The following WWOX variants were observed in gnomAD, a reference collection of about 807,000 sequenced individuals.
WWOX encodes the protein WW domain-containing oxidoreductase.
In WWOX, 69 loss-of-function variants were observed where a neutral mutation model predicts 46.2. That is an observed-to-expected ratio of 1.49 (90% CI 1.23 to 1.82). The LOEUF (loss-of-function observed/expected upper bound fraction) is 1.82. Among genes scored for constraint, WWOX ranks in the 40% most tolerant of loss-of-function variants. The pLI is 0.00. For synonymous variants in WWOX, 359 were observed against 202.6 expected, an observed-to-expected ratio of 1.77 and a Z score of -6.56; for missense variants, 919 against 542.6, an observed-to-expected ratio of 1.69 and a Z score of -6.89.
At chr16:78,715,463 AC>A (rs2142335984) in intron 8 of WWOX, among the ~76,000 whole-genome samples, 2 of 103,750 alleles carry the variant, frequency 1.9e-5, no homozygotes, top group South Asian at 6.8e-4. Flanking sequence ...ACTCCACCCC[AC>A]CCCCACCCCT....
intron 6 of WWOX, among the ~76,000 whole-genome samples, chr16:78,408,937 T>G (rs760055577): frequency 6.6e-6 from 1 of 152,120 alleles, no homozygotes; most frequent in Non-Finnish European, 1.5e-5. Flanking sequence ...TGATTTAAAA[T>G]ATGTTAATTT....
chr16:78,652,936 T>C (rs529072679), intron 8 of WWOX, among the ~76,000 whole-genome samples: 74 of 152,310 alleles, frequency 4.9e-4, no homozygotes, highest in Admixed American at 8.5e-4. Context: ...AAATGAACTT[T>C]TGTTATTTGA....
intron 5 of WWOX, among the ~76,000 whole-genome samples, chr16:78,176,971 A>G (rs1353527564): frequency 1.2e-4 from 19 of 152,210 alleles, no homozygotes; most frequent in Admixed American, 1.2e-3. Flanking sequence ...GACCTGCAGC[A>G]TCAGTGTCAC....
intron 8 of WWOX, among the ~76,000 whole-genome samples, chr16:78,782,862 A>G (rs960504003): frequency 6.6e-6 from 1 of 152,180 alleles, no homozygotes; most frequent in South Asian, 2.1e-4. Context: ...TGTTAATTAT[A>G]CAATGATCCA....
At chr16:78,748,740 C>T (rs1389417514) in intron 8 of WWOX, among the ~76,000 whole-genome samples, 1 of 152,226 alleles carries the variant, frequency 6.6e-6, no homozygotes, top group African/African-American at 2.4e-5. Context: ...AGTTATTTTT[C>T]ATGCACACTC....
intron 8 of WWOX, among the ~76,000 whole-genome samples, chr16:78,909,512 C>G (rs1026218253): frequency 5.3e-5 from 8 of 152,192 alleles, no homozygotes; most frequent in Middle Eastern, 3.2e-3. Context: ...TTGGCCTCCT[C>G]TAGGTCCCAC....
intron 8 of WWOX, among the ~76,000 whole-genome samples, chr16:78,502,420 A>G (rs1318756778): frequency 1.3e-5 from 2 of 152,172 alleles, no homozygotes; most frequent in Admixed American, 1.3e-4. Context: ...CGTACCTCAT[A>G]TAAATAGAGT....
Position 78,769,573 on chromosome 16 carries a change from ATTTATTTATTTT to A in WWOX, c.1056+336823_1056+336834del, listed in dbSNP as rs1220050235. ...TATTTATTTATTTATTTATTTATTT[ATTTATTTATTTT>A]TACCATGTCTGTTACTCCATCAGTC... On this transcript the variant is annotated intron_variant, in intron 8 of 8. Coordinates refer to ENST00000566780, the MANE Select transcript of WWOX (RefSeq NM_016373.4). Among the ~76,000 whole-genome samples the A allele has an allele frequency of 1.9e-4, 4 of 20,680 alleles. No individual in the cohort carries two copies. The Admixed American group carries it at 2.0e-3, about 10-fold the overall frequency. 13.6% of individuals were successfully genotyped at this position (20,680 alleles called of 152,430 possible).
intron 1 of WWOX, 54 bp downstream of exon 1, chr16:78,099,939 G>A: frequency 2.0e-6 from 3 of 1,537,408 alleles, no homozygotes; most frequent in South Asian, 1.2e-5. Flanking sequence ...CACAGCCCAC[G>A]GACGCCACCT....
At chr16:78,490,827 A>C (rs969482738) in intron 8 of WWOX, among the ~76,000 whole-genome samples, 12 of 152,274 alleles carry the variant, frequency 7.9e-5, no homozygotes, top group African/African-American at 2.9e-4. Context: ...TACTTAGACT[A>C]GGAAATGGCT....
At chr16:78,960,715 T>C (rs34187758) in intron 8 of WWOX, among the ~76,000 whole-genome samples, 10,598 of 152,242 alleles carry the variant, frequency 0.07, 458 homozygotes, top group Middle Eastern at 0.11. Flanking sequence ...TGTATGACTT[T>C]CCAGTAGAGG....
intron 8 of WWOX, among the ~76,000 whole-genome samples, chr16:78,893,560 C>A (rs904583443): frequency 1.3e-5 from 2 of 152,184 alleles, no homozygotes; most frequent in Non-Finnish European, 2.9e-5. Flanking sequence ...AGACTCAGCT[C>A]CTTCCACTTC....
chr16:78,785,698 G>C (rs2050438639), intron 8 of WWOX, among the ~76,000 whole-genome samples: 1 of 152,160 alleles, frequency 6.6e-6, no homozygotes. Flanking sequence ...ATGTAGCTGT[G>C]ACATGAATAT....
At chr16:78,742,291 C>T (rs138488116) in intron 8 of WWOX, among the ~76,000 whole-genome samples, 173 of 152,274 alleles carry the variant, frequency 1.1e-3, no homozygotes, top group African/African-American at 1.8e-3. Flanking sequence ...ACAGGGAAAA[C>T]GCAGACTCAT....
chr16:78,590,135 T>C (rs1314226651), intron 8 of WWOX, among the ~76,000 whole-genome samples: 1 of 107,094 alleles, frequency 9.3e-6, no homozygotes, highest in Non-Finnish European at 2.0e-5. Context: ...CTGATAGATA[T>C]TAGGCATTCA....
intron 8 of WWOX, among the ~76,000 whole-genome samples, chr16:78,494,172 T>C (rs1326522090): frequency 1.3e-5 from 2 of 152,262 alleles, no homozygotes; most frequent in Non-Finnish European, 1.5e-5. Flanking sequence ...TAGATGCTTT[T>C]AAACAAACAG....
At position 78,835,181 on chromosome 16, in the gene WWOX, A is replaced by T. The variant is rs574466704; in HGVS notation, c.1057-376427A>T. 3.7e-4 allele frequency among the ~76,000 whole-genome samples: 57 copies of T among 152,286 alleles called. No individual in the cohort carries two copies. The South Asian group carries it at 3.9e-3, about 11-fold the overall frequency. On this transcript the variant is annotated intron_variant, in intron 8 of 8. Transcript: ENST00000566780. ...AGCCTTGCTTTTGTCATTATCCAAC[A>T]TTAGCTGTCTTTATTATAGTGGCCT...
chr16:78,868,533 A>T (rs1333393426), intron 8 of WWOX, among the ~76,000 whole-genome samples: 1 of 152,226 alleles, frequency 6.6e-6, no homozygotes, highest in African/African-American at 2.4e-5. Flanking sequence ...TGAATTTCAC[A>T]TTAATAAAGT....
intron 8 of WWOX, among the ~76,000 whole-genome samples, chr16:78,849,318 C>T (rs2052380329): frequency 6.6e-6 from 1 of 152,058 alleles, no homozygotes; most frequent in African/African-American, 2.4e-5. Context: ...TGCCTGTAAT[C>T]CCAGCACTTT....
Sources: allele counts gnomAD v4.1 joint callset (sites outside exome capture counted in the v4.1 genomes callset), GRCh38; gene constraint gnomAD v4.1.1; transcripts MANE v1.5; gene names NCBI Gene and HGNC (gene_info 2026-07-23, HGNC 2026-07-21).